USP15: variants seen among roughly 807,000 people sequenced by gnomAD.
USP15 encodes the protein ubiquitin specific peptidase 15.
Under a neutral mutation model 127.1 loss-of-function variants are expected in USP15, and 18 were observed. The ratio of observed to expected loss-of-function variants is 0.14; its 90% CI spans 0.10 to 0.21. USP15 has a LOEUF of 0.21. Ranked by LOEUF, USP15 falls within the 10% of genes least tolerant of loss-of-function variation. The pLI, the probability that USP15 is intolerant of heterozygous loss-of-function variation, is 1.00. For missense variants in USP15, 805 were observed against 1,159.9 expected, an observed-to-expected ratio of 0.69 and a Z score of 4.44; for synonymous variants, 364 against 393.7, an observed-to-expected ratio of 0.92 and a Z score of 0.89.
At chr12:62,330,055 A>C (rs2065244041) in intron 6 of USP15, among the ~76,000 whole-genome samples, 2 of 152,220 alleles carry the variant, frequency 1.3e-5, no homozygotes, top group Admixed American at 6.5e-5. Context: ...AACAATGGTG[A>C]GATCTTTAAA....
At chr12:62,286,961 T>C (rs1015388174) in intron 1 of USP15, among the ~76,000 whole-genome samples, 3 of 149,550 alleles carry the variant, frequency 2.0e-5, no homozygotes, top group Non-Finnish European at 4.4e-5. Flanking sequence ...AAGTGATACA[T>C]ATATACCATG....
chr12:62,302,215 A>G (rs1002918564), intron 2 of USP15, among the ~76,000 whole-genome samples: 2 of 152,100 alleles, frequency 1.3e-5, no homozygotes, highest in African/African-American at 4.8e-5. Flanking sequence ...GTCATTGTAA[A>G]AGGTTGTTGA....
intron 1 of USP15, among the ~76,000 whole-genome samples, chr12:62,287,573 A>G (rs1006974578): frequency 4.6e-5 from 7 of 152,168 alleles, no homozygotes; most frequent in African/African-American, 1.7e-4. Flanking sequence ...CAGTTAAACT[A>G]AGTCACTTTT....
chr12:62,325,931 T>G lies in USP15; in HGVS notation c.681T>G (p.Pro227=), dbSNP rs892940514. ...DGTWPRGPST[P]KSPGASNFST... is the part of the protein sequence containing the mutation. ...CATGGCCAAGGGGTCCTTCTACTCC[T>G]AAGTAAGTGCTCCCACTTCTTATGG... The change falls in exon 6 of 22, where the codon CCT becomes CCG. Residue 227 remains proline (P), a splice_region_variant and synonymous_variant. Coordinates refer to ENST00000280377, the MANE Select transcript of USP15 (RefSeq NM_001252078.2). The G allele has an allele frequency of 6.2e-7, 1 of 1,608,904 alleles. No homozygotes were observed. Among genetic ancestry groups the G allele is most frequent in the Admixed American group, 1.7e-5 (1 of 59,348 alleles).
chr12:62,386,721 C>T (rs1301015565), intron 11 of USP15, among the ~76,000 whole-genome samples: 6 of 152,058 alleles, frequency 3.9e-5, no homozygotes, highest in Non-Finnish European at 5.9e-5. Context: ...GTTTGAACTT[C>T]ATCCTAAAAA....
chr12:62,264,964 A>G (rs1402682390), intron 1 of USP15, among the ~76,000 whole-genome samples: 2 of 152,178 alleles, frequency 1.3e-5, no homozygotes, highest in Non-Finnish European at 2.9e-5. Context: ...ATTGGTGAAA[A>G]CAAGGACAGA....
At chr12:62,401,874 A>G (rs2359687) in intron 21 of USP15, among the ~76,000 whole-genome samples, 39,737 of 133,580 alleles carry the variant, frequency 0.3, 6,533 homozygotes, top group East Asian at 0.46. Flanking sequence ...GTGTGTGTGT[A>G]TATGTATATA....
At chr12:62,316,591 T>C (rs1165245706) in intron 4 of USP15, among the ~76,000 whole-genome samples, 1 of 152,070 alleles carries the variant, frequency 6.6e-6, no homozygotes, top group Non-Finnish European at 1.5e-5. Context: ...AATTGGAATA[T>C]AAATGAGAAG....
chr12:62,333,889 TGAA>T (rs1254087897), intron 6 of USP15, among the ~76,000 whole-genome samples: 2 of 152,122 alleles, frequency 1.3e-5, no homozygotes, highest in African/African-American at 4.8e-5. Context: ...CCTGAGGTAA[TGAA>T]GAAGGACAGT....
intron 8 of USP15, among the ~76,000 whole-genome samples, chr12:62,361,904 A>C (rs2066330640): frequency 6.6e-6 from 1 of 152,056 alleles, no homozygotes; most frequent in South Asian, 2.1e-4. Flanking sequence ...ATTAATAGTA[A>C]TATCTAAATC....
At chr12:62,306,739 G>A (rs188912890) in intron 3 of USP15, among the ~76,000 whole-genome samples, 6 of 152,188 alleles carry the variant, frequency 3.9e-5, no homozygotes, top group Admixed American at 1.3e-4. Context: ...GATGGCAAAC[G>A]GTGCTAATAC....
rs543278623 is a variant in USP15, at chr12:62,407,928, G to C, written c.*3553G>C. On this transcript the variant is annotated 3_prime_UTR_variant, in exon 22 of 22. Transcript: ENST00000280377. ...GCCTGGTGCTTTATTTAAATATCTT[G>C]CTTTCTCATAATCTGTGTTATTTTA... 1 of 152,030 alleles carries C rather than the reference G, an allele frequency of 6.6e-6. No homozygotes were observed. Among genetic ancestry groups the C allele is most frequent in the Non-Finnish European group, 1.5e-5 (1 of 68,010 alleles). 9.4% of individuals were successfully genotyped at this position (152,030 alleles called of 1,614,324 possible). A position where few individuals can be genotyped will look rare whatever the true frequency, so the allele number is the denominator to read the frequency against.
At chr12:62,319,659 C>A (rs1264518589) in intron 4 of USP15, among the ~76,000 whole-genome samples, 1 of 152,094 alleles carries the variant, frequency 6.6e-6, no homozygotes. Context: ...TACCCCTATG[C>A]CTGTAATGTT....
At chr12:62,402,161 T>G (rs1229803026) in intron 21 of USP15, among the ~76,000 whole-genome samples, 1 of 151,878 alleles carries the variant, frequency 6.6e-6, no homozygotes. Context: ...GTTATCTTGT[T>G]TATATATAGT....
At chr12:62,262,005 G>A (rs562832737) in intron 1 of USP15, among the ~76,000 whole-genome samples, 6 of 152,218 alleles carry the variant, frequency 3.9e-5, no homozygotes, top group South Asian at 4.1e-4. Context: ...TTGGGAGGCC[G>A]AGGAGGGAGG....
rs141065031 is a variant in USP15, at chr12:62,319,266, G to A, written c.476-2198G>A. On this transcript the variant is annotated intron_variant, in intron 4 of 21. Coordinates refer to ENST00000280377, the MANE Select transcript of USP15 (RefSeq NM_001252078.2). ...TCACTCACTGTCATGGGAACAGCAA[G>A]GGGGAAATCTGCCCCCATGATCCAG... Among the ~76,000 whole-genome samples, 135 of 152,212 alleles carry A rather than the reference G, an allele frequency of 8.9e-4. 1 individual carries two copies. Among genetic ancestry groups the A allele is most frequent in the African/African-American group, 3.2e-3 (133 of 41,532 alleles).
chr12:62,373,600 A>C (rs1004011026), intron 8 of USP15, among the ~76,000 whole-genome samples: 5 of 152,016 alleles, frequency 3.3e-5, no homozygotes, highest in African/African-American at 1.2e-4. Flanking sequence ...TTTTAAGTAG[A>C]GTATGCTAGT....
chr12:62,317,342 C>T (rs1429473386), intron 4 of USP15, among the ~76,000 whole-genome samples: 1 of 152,114 alleles, frequency 6.6e-6, no homozygotes. Context: ...CAGGTATCTT[C>T]CTCTTATAGA....
chr12:62,398,085 G>A (rs1221429631), intron 20 of USP15, among the ~76,000 whole-genome samples: 1 of 151,542 alleles, frequency 6.6e-6, no homozygotes, highest in African/African-American at 2.4e-5. Context: ...TCCACCTCCT[G>A]GGTTCAAGCG....
Sources: gnomAD v4.1 joint callset for allele counts (sites outside exome capture counted in the v4.1 genomes callset) on GRCh38, gnomAD v4.1.1 for gene constraint, MANE v1.5 for transcripts, NCBI Gene and HGNC (gene_info 2026-07-23, HGNC 2026-07-21) for gene names.